The following DAB1 variants were observed in gnomAD, a reference collection of about 807,000 sequenced individuals.
The protein encoded by DAB1 is disabled homolog 1.
In DAB1, 15 loss-of-function variants were observed where a neutral mutation model predicts 64.6. The ratio of observed to expected loss-of-function variants is 0.23; its 90% CI spans 0.16 to 0.36. The LOEUF (loss-of-function observed/expected upper bound fraction) is 0.36, where lower values mean the gene tolerates loss of function less well. Among genes scored for constraint, DAB1 ranks in the 10% least tolerant of loss-of-function variants. DAB1 has a pLI of 1.00. For synonymous variants in DAB1, 235 were observed against 251.9 expected, an observed-to-expected ratio of 0.93 and a Z score of 0.64; for missense variants, 596 against 706.7, an observed-to-expected ratio of 0.84 and a Z score of 1.78.
At chr1:57,841,807 A>G (rs1357633398) in intron 1 of DAB1, among the ~76,000 whole-genome samples, 3 of 151,902 alleles carry the variant, frequency 2.0e-5, no homozygotes, top group Non-Finnish European at 4.4e-5. Context: ...GATCTCTGAA[A>G]TGGGGCTGCT....
chr1:57,088,652 A>G (rs1653335340), intron 4 of DAB1, among the ~76,000 whole-genome samples: 1 of 151,864 alleles, frequency 6.6e-6, no homozygotes, highest in Admixed American at 6.6e-5. Flanking sequence ...CACTTCCCTG[A>G]CTCTACTCAA....
intron 2 of DAB1, among the ~76,000 whole-genome samples, chr1:57,198,682 CA>C (rs1440015538): frequency 1.3e-5 from 2 of 151,628 alleles, no homozygotes; most frequent in African/African-American, 2.4e-5. Context: ...CACACACACA[CA>C]CACACACCCA....
Position 57,144,491 on chromosome 1 carries a change from C to T in DAB1, c.207+799G>A, listed in dbSNP as rs180715929. Among the ~76,000 whole-genome samples the T allele has an allele frequency of 4.8e-3, 725 of 151,964 alleles. 14 individuals are homozygous for T. Among genetic ancestry groups the T allele is most frequent in the East Asian group, 0.012 (60 of 5,162 alleles). On this transcript the variant is annotated intron_variant, in intron 3 of 14. Coordinates refer to ENST00000371236, the MANE Select transcript of DAB1 (RefSeq NM_001365792.1). ...CGGACGGATCATGAGGTCAGGAGTT[C>T]GAGACCAGCCTGACCAACATGGTGA...
At chr1:58,319,269 T>C (rs1213836262) in intron 4 of DAB1, among the ~76,000 whole-genome samples, 1 of 152,190 alleles carries the variant, frequency 6.6e-6, no homozygotes, top group Non-Finnish European at 1.5e-5. Context: ...AATCCATAGG[T>C]TATATCTTGT....
At chr1:57,781,271 T>C (rs1324730254) in intron 6 of DAB1, among the ~76,000 whole-genome samples, 1 of 150,992 alleles carries the variant, frequency 6.6e-6, no homozygotes, top group Non-Finnish European at 1.5e-5. Context: ...ATACAAACTT[T>C]CTCCTATTGC....
intron 1 of DAB1, chr1:58,539,081 T>C: frequency 1.1e-6 from 1 of 872,968 alleles, no homozygotes. Flanking sequence ...TTAAAAGTAC[T>C]ATAAAAATGA....
At chr1:57,088,478 G>C (rs1653317380) in intron 4 of DAB1, among the ~76,000 whole-genome samples, 1 of 152,210 alleles carries the variant, frequency 6.6e-6, no homozygotes, top group African/African-American at 2.4e-5. Flanking sequence ...GGAATTTACT[G>C]TTTGTTTCAG....
intron 4 of DAB1, among the ~76,000 whole-genome samples, chr1:58,182,456 C>T (rs974784314): frequency 6.6e-6 from 1 of 151,706 alleles, no homozygotes; most frequent in African/African-American, 2.4e-5. Flanking sequence ...TCCTATAGGT[C>T]TCTGAGGCCC....
chr1:58,226,079 C>T (rs1339755445), intron 4 of DAB1, among the ~76,000 whole-genome samples: 1 of 151,944 alleles, frequency 6.6e-6, no homozygotes, highest in Non-Finnish European at 1.5e-5. Flanking sequence ...TGTGTTGAGC[C>T]TGAACCACTC....
chr1:57,070,777 G>A (rs1336058889), intron 7 of DAB1: 1 of 520,042 alleles, frequency 1.9e-6, no homozygotes, highest in African/African-American at 1.9e-5. Flanking sequence ...ACTGTGAAGG[G>A]GGCCGAGGCA....
At chr1:57,650,464 T>TAA (rs11408965) in intron 6 of DAB1, among the ~76,000 whole-genome samples, 29 of 151,754 alleles carry the variant, frequency 1.9e-4, no homozygotes, top group African/African-American at 2.7e-4. Context: ...AATAGAGGAA[T>TAA]AAAAAAAATT....
At chr1:57,836,228 T>G (rs1652802180) in intron 1 of DAB1, among the ~76,000 whole-genome samples, 1 of 152,178 alleles carries the variant, frequency 6.6e-6, no homozygotes, top group South Asian at 2.1e-4. Context: ...AGGTGAGAAA[T>G]GGAAGCTAGA....
intron 7 of DAB1, among the ~76,000 whole-genome samples, chr1:57,646,725 G>A (rs113382845): frequency 1.3e-5 from 2 of 152,024 alleles, no homozygotes; most frequent in African/African-American, 4.8e-5. Flanking sequence ...CCCCAGCATG[G>A]GTGACAGAGC....
At chr1:57,945,020 T>C (rs1346478471) in intron 5 of DAB1, among the ~76,000 whole-genome samples, 5 of 152,200 alleles carry the variant, frequency 3.3e-5, no homozygotes, top group African/African-American at 1.2e-4. Context: ...TGCTCCAATA[T>C]AGAATGTCCT....
At chr1:58,168,457 C>G (rs1433896335) in intron 4 of DAB1, among the ~76,000 whole-genome samples, 2 of 152,162 alleles carry the variant, frequency 1.3e-5, no homozygotes, top group Admixed American at 6.5e-5. Flanking sequence ...CCTCTCGTCT[C>G]TCTTCTCTGA....
At chr1:58,280,927 A>G (rs1286153994) in intron 4 of DAB1, among the ~76,000 whole-genome samples, 1 of 152,228 alleles carries the variant, frequency 6.6e-6, no homozygotes, top group Non-Finnish European at 1.5e-5. Context: ...GGCTAAGAGA[A>G]GAGTGATCTA....
chr1:57,368,158 T>C (rs1007981874), intron 1 of DAB1, among the ~76,000 whole-genome samples: 4 of 152,202 alleles, frequency 2.6e-5, no homozygotes, highest in African/African-American at 9.6e-5. Context: ...CTCAGCCCCC[T>C]TCTGGACTTT....
rs1051641100 is a variant in DAB1, at chr1:57,423,950, C to G, written c.-157G>C. ...CTCACCTCGCCTAGCCCAGAGCATC[C>G]TCCTCCGCTGCCGCAGCCGCCCAGG... is the stretch of plus-strand genomic sequence containing the variant. On this transcript the variant is annotated 5_prime_UTR_variant, in exon 1 of 15. Coordinates refer to ENST00000371236, the MANE Select transcript of DAB1 (RefSeq NM_001365792.1). 1.3e-5 allele frequency: 2 copies of G among 152,084 alleles called. No individual in the cohort carries two copies. Among genetic ancestry groups the G allele is most frequent in the African/African-American group, 4.8e-5 (2 of 41,408 alleles). The allele number at this position is 152,084 out of a possible 1,614,324, so 9.4% of individuals were successfully genotyped here. A position where few individuals can be genotyped will look rare whatever the true frequency, so the allele number is the denominator to read the frequency against.
At chr1:57,458,833 T>C (rs1686687352) in intron 7 of DAB1, among the ~76,000 whole-genome samples, 1 of 152,028 alleles carries the variant, frequency 6.6e-6, no homozygotes, top group Non-Finnish European at 1.5e-5. Context: ...GAGAGTGCAA[T>C]GTATCTAAGT....
Sources: allele counts gnomAD v4.1 joint callset (sites outside exome capture counted in the v4.1 genomes callset), GRCh38; gene constraint gnomAD v4.1.1; transcripts MANE v1.5; gene names NCBI Gene and HGNC (gene_info 2026-07-23, HGNC 2026-07-21).